Variants in TRIM75 observed in about 807,000 individuals in gnomAD.
TRIM75 encodes tripartite motif containing 75.
chr4:165,060,362 G>T, the TRIM75 span: 8 of 780,806 alleles, frequency 1.0e-5, no homozygotes, highest in Non-Finnish European at 1.9e-5. Flanking sequence ...CCCCTCTGTT[G>T]TTAGAGGTGA....
chr4:165,057,627 G>A, the TRIM75 span, among the ~76,000 whole-genome samples: 73 of 151,946 alleles, frequency 4.8e-4, no homozygotes, highest in East Asian at 0.013. Context: ...GCCGCCTCCT[G>A]GGTTCAAGCG....
the TRIM75 span, among the ~76,000 whole-genome samples, chr4:165,056,688 C>A: frequency 4.3e-5 from 6 of 138,698 alleles, no homozygotes; most frequent in East Asian, 9.6e-4. Context: ...GATCTCGACT[C>A]ACCACAACCT....
the TRIM75 span, among the ~76,000 whole-genome samples, chr4:165,058,164 AC>A: frequency 6.6e-6 from 1 of 151,392 alleles, no homozygotes; most frequent in African/African-American, 2.4e-5. Flanking sequence ...CATCAGAAAT[AC>A]TTTTTGTTTT....
At chr4:165,059,943 A>G in the TRIM75 span, 1 of 779,796 alleles carries the variant, frequency 1.3e-6, no homozygotes, top group Non-Finnish European at 2.4e-6. Flanking sequence ...TAGCCCATCG[A>G]TCTTTTCAAT....
chr4:165,059,786 A>T, the TRIM75 span: 1 of 780,916 alleles, frequency 1.3e-6, no homozygotes, highest in Non-Finnish European at 2.4e-6. Context: ...AGGACAATCA[A>T]CAGAAACTCA....
chr4:165,058,345 T>TA, the TRIM75 span, among the ~76,000 whole-genome samples: 2 of 151,674 alleles, frequency 1.3e-5, no homozygotes, highest in Non-Finnish European at 2.9e-5. Flanking sequence ...ATTTTTTTTT[T>TA]ATTTTTTTAT....
chr4:165,054,266 ATTTTT>A, the TRIM75 span, among the ~76,000 whole-genome samples: 1,515 of 96,870 alleles, frequency 0.016, 46 homozygotes, highest in African/African-American at 0.053. Flanking sequence ...TAATTTGTGT[ATTTTT>A]TTTTTTTTTT....
At chr4:165,060,356 T>A in the TRIM75 span, 5 of 780,794 alleles carry the variant, frequency 6.4e-6, no homozygotes, top group African/African-American at 8.5e-5. Context: ...TTCCAACCCC[T>A]CTGTTGTTAG....
the TRIM75 span, among the ~76,000 whole-genome samples, chr4:165,054,070 G>A: frequency 8.6e-5 from 13 of 151,906 alleles, no homozygotes; most frequent in African/African-American, 3.1e-4. Context: ...CCTGAATTCG[G>A]CATCAGGTTA....
the TRIM75 span, chr4:165,059,270 A>G: frequency 1.3e-6 from 1 of 780,464 alleles, no homozygotes; most frequent in African/African-American, 1.7e-5. Context: ...CCTGCATCCA[A>G]CAGTCCTGGC....
the TRIM75 span, among the ~76,000 whole-genome samples, chr4:165,057,078 A>G: frequency 1.3e-5 from 2 of 152,146 alleles, no homozygotes; most frequent in South Asian, 2.1e-4. Flanking sequence ...ATTTGGTGCT[A>G]TTATTTTGCT....
chr4:165,058,090 C>T, the TRIM75 span, among the ~76,000 whole-genome samples: 1 of 152,056 alleles, frequency 6.6e-6, no homozygotes, highest in Admixed American at 6.6e-5. Flanking sequence ...CTTCTGTGGC[C>T]TATTCAACTG....
the TRIM75 span, among the ~76,000 whole-genome samples, chr4:165,054,266 ATT>A: frequency 0.091 from 8,797 of 96,860 alleles, 365 homozygotes; most frequent in African/African-American, 0.15. Flanking sequence ...TAATTTGTGT[ATT>A]TTTTTTTTTT....
the TRIM75 span, among the ~76,000 whole-genome samples, chr4:165,058,794 C>T: frequency 7.3e-5 from 11 of 151,684 alleles, no homozygotes; most frequent in African/African-American, 2.7e-4. Context: ...ATCTTCTCAC[C>T]CACAGCAACC....
At chr4:165,054,596 C>T in the TRIM75 span, among the ~76,000 whole-genome samples, 1 of 151,904 alleles carries the variant, frequency 6.6e-6, no homozygotes, top group Admixed American at 6.6e-5. Flanking sequence ...TTTTTAGTCT[C>T]ACCGTGTTGG....
At chr4:165,056,896 C>T in the TRIM75 span, among the ~76,000 whole-genome samples, 203 of 152,064 alleles carry the variant, frequency 1.3e-3, no homozygotes, top group African/African-American at 4.7e-3. Context: ...GGATTATAGG[C>T]GTGAGCCACT....
At chr4:165,059,160 G>A in the TRIM75 span, 1 of 776,414 alleles carries the variant, frequency 1.3e-6, no homozygotes, top group East Asian at 2.4e-5. Flanking sequence ...GGCAGTGGCA[G>A]CAGCTCTGAC....
the TRIM75 span, chr4:165,059,916 G>C: frequency 1.3e-6 from 1 of 779,330 alleles, no homozygotes. Context: ...AATTTTCTAC[G>C]AATCTGAAAA....
chr4:165,058,947 G>A, the TRIM75 span, among the ~76,000 whole-genome samples: 7 of 152,210 alleles, frequency 4.6e-5, no homozygotes, highest in South Asian at 1.5e-3. Context: ...TTGGCAGTTG[G>A]AATTAAAGGG....
Sources: allele counts gnomAD v4.1 joint callset (sites outside exome capture counted in the v4.1 genomes callset), GRCh38; gene constraint gnomAD v4.1.1; transcripts MANE v1.5; gene names NCBI Gene and HGNC (gene_info 2026-07-23, HGNC 2026-07-21).